Variants in NIPBL observed in about 807,000 individuals in gnomAD.
NIPBL encodes nipped-B-like protein.
A neutral mutation model predicts 321.8 loss-of-function variants in NIPBL; 19 were observed. The ratio of observed to expected loss-of-function variants is 0.06; its 90% confidence interval spans 0.04 to 0.09. The LOEUF is 0.09. NIPBL is among the 10% of genes least tolerant of loss of function. The pLI, the probability that NIPBL is intolerant of heterozygous loss-of-function variation, is 1.00. For synonymous variants in NIPBL, 1,106 were observed against 1,114.1 expected (o/e 0.99, Z 0.14); for missense variants, 2,210 against 3,327.0 (o/e 0.66, Z 8.26).
Position 37,022,076 on chromosome 5 carries a change from C to T in NIPBL, c.5354C>T (p.Ala1785Val). ...TQILRVLGEN[A>V]IAVRTKAMKC... ...ATCCTACGAGTTCTTGGTGAAAATG[C>T]AATTGCTGTTCGAACAAAAGCCATG... Residue 1785 changes from alanine (A) to valine (V), a missense_variant, in exon 28 of 47, where the codon GCA becomes GTA. By Grantham distance (64) the Ala-to-Val change is moderately conservative. This residue lies in a region of NIPBL where 49 missense variants were observed against 163.6 expected (regional missense o/e 0.30). Coordinates refer to ENST00000282516, the MANE Select transcript of NIPBL (RefSeq NM_133433.4). 1.2e-6 allele frequency: 2 copies of T among 1,614,060 alleles called. No individual in the cohort carries two copies. The highest frequency in any genetic ancestry group is 1.7e-6 in the Non-Finnish European group (2 of 1,179,978).
chr5:36,890,059 T>G (rs1463297579), intron 1 of NIPBL, among the ~76,000 whole-genome samples: 1 of 152,138 alleles, frequency 6.6e-6, no homozygotes, highest in African/African-American at 2.4e-5. Context: ...TGCTATAAAT[T>G]TATTCCTCTT....
intron 1 of NIPBL, among the ~76,000 whole-genome samples, chr5:36,919,717 CT>C (rs955172930): frequency 2.6e-5 from 4 of 152,104 alleles, no homozygotes; most frequent in South Asian, 2.1e-4. Flanking sequence ...TAATCCTCTA[CT>C]TTTTTTCTAA....
intron 10 of NIPBL, among the ~76,000 whole-genome samples, chr5:36,989,429 A>G (rs1165382057): frequency 6.6e-6 from 1 of 152,142 alleles, no homozygotes; most frequent in Non-Finnish European, 1.5e-5. Context: ...ATTCTTTTTA[A>G]GTTCTTCAAA....
intron 32 of NIPBL, among the ~76,000 whole-genome samples, chr5:37,029,632 T>G (rs1214696553): frequency 2.0e-5 from 3 of 152,156 alleles, no homozygotes; most frequent in Non-Finnish European, 2.9e-5. Flanking sequence ...TGCCAAAATG[T>G]TTTTCCAAAA....
chr5:36,933,185 ACT>A (rs1388337501), intron 1 of NIPBL, among the ~76,000 whole-genome samples: 1 of 152,064 alleles, frequency 6.6e-6, no homozygotes, highest in African/African-American at 2.4e-5. Flanking sequence ...TTAAAAATGT[ACT>A]GTTTTTAAAA....
At chr5:37,034,268 GATA>G (rs1304787131) in intron 32 of NIPBL, among the ~76,000 whole-genome samples, 1 of 152,098 alleles carries the variant, frequency 6.6e-6, no homozygotes, top group Non-Finnish European at 1.5e-5. Flanking sequence ...TTTTAATACA[GATA>G]ATAATTGAGA....
Position 37,022,393 on chromosome 5 carries a change from ATGTT to A in NIPBL, c.5574+7_5574+10del, listed in dbSNP as rs767457436. ...ATATGCTGATTGAAAGAATATTGGT[ATGTT>A]TGTCATTTTTATAATGATTCGTGAA... On this transcript the variant is annotated splice_donor_5th_base_variant and intron_variant, in intron 29 of 46. Transcript: ENST00000282516. The A allele has an allele frequency of 1.3e-6, 2 of 1,597,184 alleles. No individual in the cohort carries two copies. Among genetic ancestry groups the A allele is most frequent in the Non-Finnish European group, 1.7e-6 (2 of 1,168,352 alleles).
Position 36,876,823 on chromosome 5 carries a change from T to TGCGGGGGGGGGG in NIPBL, c.-435_-434insGCGGGGGGGGGG. The TGCGGGGGGGGGG allele has an allele frequency of 2.8e-6, 1 of 352,496 alleles. No individual in the cohort carries two copies. 21.8% of individuals were successfully genotyped at this position (352,496 alleles called of 1,614,324 possible). On this transcript the variant is annotated 5_prime_UTR_variant, in exon 1 of 47. Coordinates refer to ENST00000282516, the MANE Select transcript of NIPBL (RefSeq NM_133433.4). ...AGAGAGAGACACACACAGGGCTCCTTCCCCCCGCCCTCCCCCCCCTCCCTC... is the reference window on the plus strand; with the variant it reads ...AGAGAGAGACACACACAGGGCTCCTTGCGGGGGGGGGGCCCCCCGCCCTCCCCCCCCTCCCTC...
intron 1 of NIPBL, among the ~76,000 whole-genome samples, chr5:36,909,099 A>C (rs1375195689): frequency 1.3e-5 from 2 of 152,084 alleles, no homozygotes; most frequent in Non-Finnish European, 2.9e-5. Context: ...GGCATTTTGG[A>C]CAAGACACTT....
At chr5:37,007,222 A>C (rs1281164462) in intron 17 of NIPBL, 101 bp from the exon 18 acceptor site, 1 of 970,950 alleles carries the variant, frequency 1.0e-6, no homozygotes, top group Non-Finnish European at 1.6e-6. Context: ...TTCTGTAGCT[A>C]GAAAATTGTG....
chr5:37,014,297 G>A (rs1172795137), intron 21 of NIPBL, among the ~76,000 whole-genome samples: 1 of 151,854 alleles, frequency 6.6e-6, no homozygotes, highest in Non-Finnish European at 1.5e-5. Flanking sequence ...TGAAGGCTTT[G>A]AATTTTTTTT....
intron 1 of NIPBL, among the ~76,000 whole-genome samples, chr5:36,932,657 A>G (rs1749858987): frequency 6.6e-6 from 1 of 151,090 alleles, no homozygotes; most frequent in South Asian, 2.1e-4. Flanking sequence ...TGATTGTCAT[A>G]TTTAGCCTAT....
chr5:36,888,299 T>C (rs1746067161), intron 1 of NIPBL, among the ~76,000 whole-genome samples: 1 of 152,188 alleles, frequency 6.6e-6, no homozygotes, highest in African/African-American at 2.4e-5. Flanking sequence ...ATCTAAAATT[T>C]AGGACTTTTG....
rs751637394 is a variant in NIPBL at position 36,976,175 on chromosome 5, A to C, written c.1268A>C (p.Gln423Pro). 1.2e-6 allele frequency: 2 copies of C among 1,612,900 alleles called. No homozygotes were observed. Among genetic ancestry groups the C allele is most frequent in the South Asian group, 2.2e-5 (2 of 90,948 alleles). The change falls in exon 9 of 47, where the codon CAA (glutamine) becomes CCA (proline). Residue 423 changes from glutamine (Q) to proline (P), a missense_variant. Around this residue, in one of 14 missense-constraint regions of NIPBL, gnomAD observed 464 missense variants for 529.5 expected, o/e 0.88. Coordinates refer to ENST00000282516, the MANE Select transcript of NIPBL (RefSeq NM_133433.4). ...PLNAAQCLSQ[Q>P]EQTAFLPANQ... ...AATGCTGCTCAATGTTTGTCGCAGC[A>C]AGAACAAACAGCATTCCTTCCAGCA... is the stretch of plus-strand genomic sequence containing the variant.
chr5:36,998,080 A>G (rs1746352928), intron 11 of NIPBL, among the ~76,000 whole-genome samples: 1 of 152,090 alleles, frequency 6.6e-6, no homozygotes, highest in Non-Finnish European at 1.5e-5. Context: ...GGGGTGATGT[A>G]AGAAGCTCAA....
At chr5:36,924,117 A>T (rs1308317847) in intron 1 of NIPBL, among the ~76,000 whole-genome samples, 1 of 151,320 alleles carries the variant, frequency 6.6e-6, no homozygotes, top group Non-Finnish European at 1.5e-5. Context: ...CAGATAACAT[A>T]GAACTCAATG....
chr5:36,896,618 G>C (rs1166637954), intron 1 of NIPBL, among the ~76,000 whole-genome samples: 1 of 151,980 alleles, frequency 6.6e-6, no homozygotes, highest in Non-Finnish European at 1.5e-5. Context: ...TGTTTGTTTT[G>C]AGACAAACTC....
intron 3 of NIPBL, among the ~76,000 whole-genome samples, chr5:36,957,302 C>T (rs1340338978): frequency 1.3e-5 from 2 of 152,116 alleles, no homozygotes; most frequent in East Asian, 3.9e-4. Context: ...TTTGAGAAAG[C>T]AATGTAAGAT....
intron 11 of NIPBL, 83 bp from the exon 12 acceptor site, chr5:37,000,290 C>T (rs1746634185): frequency 7.4e-7 from 1 of 1,344,322 alleles, no homozygotes; most frequent in Non-Finnish European, 1.0e-6. Flanking sequence ...GATTTTTTTC[C>T]CCATGTGATT....
Sources: gnomAD v4.1 joint callset for allele counts (sites outside exome capture counted in the v4.1 genomes callset) on GRCh38, gnomAD v4.1.1 for gene constraint, gnomAD v4.1.1 regional missense constraint, MANE v1.5 for transcripts, NCBI Gene and HGNC (gene_info 2026-07-23, HGNC 2026-07-21) for gene names.